AMPH: variants seen among roughly 807,000 people sequenced by gnomAD.
AMPH encodes amphiphysin.
Under a neutral mutation model 99.1 loss-of-function variants are expected in AMPH, and 49 were observed. The observed-to-expected ratio is 0.49, with a 90% confidence interval of 0.39 to 0.63. The LOEUF is 0.63. AMPH is among the 20% of genes least tolerant of loss of function. The pLI is 0.00. For synonymous variants in AMPH, 314 were observed against 317.3 expected (o/e 0.99, Z 0.11); for missense variants, 759 against 863.4 (o/e 0.88, Z 1.52).
intron 20 of AMPH, among the ~76,000 whole-genome samples, chr7:38,388,423 T>C (rs66974435): frequency 0.18 from 27,791 of 152,076 alleles, 3,001 homozygotes; most frequent in Middle Eastern, 0.3. Context: ...CTTTCGGCTT[T>C]ATCAATTTTA....
intron 11 of AMPH, among the ~76,000 whole-genome samples, chr7:38,443,204 A>G (rs1470560186): frequency 1.3e-5 from 2 of 152,074 alleles, no homozygotes; most frequent in Non-Finnish European, 2.9e-5. Context: ...GAACTGCTCT[A>G]TATCTATTAT....
chr7:38,451,080 A>G (rs1786995672), intron 11 of AMPH, among the ~76,000 whole-genome samples: 1 of 147,668 alleles, frequency 6.8e-6, no homozygotes, highest in African/African-American at 2.5e-5. Context: ...TTTTGTAGAG[A>G]CAGGGTCTCA....
chr7:38,504,376 T>C (rs1367771926), intron 2 of AMPH, among the ~76,000 whole-genome samples: 1 of 152,214 alleles, frequency 6.6e-6, no homozygotes, highest in Non-Finnish European at 1.5e-5. Context: ...CTGTTTTGGT[T>C]TGGATACTTT....
intron 2 of AMPH, among the ~76,000 whole-genome samples, chr7:38,504,094 A>G (rs1206822007): frequency 6.6e-6 from 1 of 152,224 alleles, no homozygotes; most frequent in Non-Finnish European, 1.5e-5. Context: ...CTGTAAGGGT[A>G]TTTTCCATTT....
chr7:38,553,216 A>G (rs536494047), intron 1 of AMPH, among the ~76,000 whole-genome samples: 1 of 152,248 alleles, frequency 6.6e-6, no homozygotes, highest in African/African-American at 2.4e-5. Flanking sequence ...GCTTCATGCT[A>G]TTGTTACTGG....
chr7:38,509,343 A>G (rs188548116), intron 2 of AMPH, among the ~76,000 whole-genome samples: 63 of 152,262 alleles, frequency 4.1e-4, no homozygotes, highest in African/African-American at 1.5e-3. Context: ...TCGTGGCCCA[A>G]TTTCCAACTA....
chr7:38,566,310 T>A (rs1458601981), intron 1 of AMPH, among the ~76,000 whole-genome samples: 1 of 19,714 alleles, frequency 5.1e-5, no homozygotes, highest in Non-Finnish European at 2.0e-4. Flanking sequence ...TGTTTATTGT[T>A]TTTTTTTTGT....
At chr7:38,620,249 C>T (rs1794003163) in intron 1 of AMPH, among the ~76,000 whole-genome samples, 1 of 151,892 alleles carries the variant, frequency 6.6e-6, no homozygotes, top group Non-Finnish European at 1.5e-5. Flanking sequence ...ATTTCTCTCT[C>T]GCTCGTTCAC....
chr7:38,394,614 T>C (rs1233727494), intron 17 of AMPH, among the ~76,000 whole-genome samples: 1 of 152,190 alleles, frequency 6.6e-6, no homozygotes, highest in African/African-American at 2.4e-5. Context: ...GACCTTAAAC[T>C]TACCATGCCA....
intron 1 of AMPH, among the ~76,000 whole-genome samples, chr7:38,618,323 T>C (rs1393280564): frequency 1.3e-5 from 2 of 148,340 alleles, no homozygotes; most frequent in Non-Finnish European, 3.0e-5. Context: ...CCATCCTGGC[T>C]AACATGGTGA....
At chr7:38,471,703 C>A (rs955644164) in intron 7 of AMPH, among the ~76,000 whole-genome samples, 1 of 152,096 alleles carries the variant, frequency 6.6e-6, no homozygotes, top group African/African-American at 2.4e-5. Flanking sequence ...AAAACACACA[C>A]CATGTGCACA....
intron 20 of AMPH, 103 bp from the exon 21 acceptor site, chr7:38,385,028 C>T (rs1435413740): frequency 9.6e-7 from 1 of 1,046,832 alleles, no homozygotes; most frequent in Non-Finnish European, 1.4e-6. Flanking sequence ...TGGTTCTGAA[C>T]CAGGATGTCA....
At chr7:38,576,406 C>T (rs1328956748) in intron 1 of AMPH, among the ~76,000 whole-genome samples, 2 of 152,168 alleles carry the variant, frequency 1.3e-5, no homozygotes, top group Admixed American at 6.5e-5. Flanking sequence ...TCCTCAGATA[C>T]TAAACTATGG....
At chr7:38,546,197 A>G (rs1309495484) in intron 1 of AMPH, among the ~76,000 whole-genome samples, 1 of 152,246 alleles carries the variant, frequency 6.6e-6, no homozygotes, top group East Asian at 1.9e-4. Context: ...GAGGCTGCCT[A>G]TGTCAGAGCA....
intron 1 of AMPH, among the ~76,000 whole-genome samples, chr7:38,561,978 T>TGTTG (rs566927707): frequency 0.028 from 4,219 of 150,864 alleles, 255 homozygotes; most frequent in East Asian, 0.15. Context: ...TTTTTTTTTT[T>TGTTG]TTGTTATGGC....
intron 1 of AMPH, among the ~76,000 whole-genome samples, chr7:38,615,277 T>TTAA (rs1793836860): frequency 6.6e-6 from 1 of 152,030 alleles, no homozygotes; most frequent in Non-Finnish European, 1.5e-5. Context: ...GTGAAATGAG[T>TTAA]TAATATATGG....
intron 1 of AMPH, among the ~76,000 whole-genome samples, chr7:38,588,505 G>C (rs1792744768): frequency 6.6e-6 from 1 of 151,980 alleles, no homozygotes; most frequent in Non-Finnish European, 1.5e-5. Flanking sequence ...AAAACAAAGG[G>C]CACTAAAATT....
chr7:38,533,421 C>T (rs548395541), intron 2 of AMPH, among the ~76,000 whole-genome samples: 1 of 152,312 alleles, frequency 6.6e-6, no homozygotes, highest in East Asian at 1.9e-4. Flanking sequence ...GACTACCTAT[C>T]GCACATGCCA....
At chr7:38,431,519 G>A (rs1198296648) in intron 13 of AMPH, among the ~76,000 whole-genome samples, 10 of 152,090 alleles carry the variant, frequency 6.6e-5, no homozygotes, top group African/African-American at 1.4e-4. Flanking sequence ...AGTTGGGCGC[G>A]GTGGCGGGTG....
Sources: allele counts gnomAD v4.1 joint callset (sites outside exome capture counted in the v4.1 genomes callset), GRCh38; gene constraint gnomAD v4.1.1; transcripts MANE v1.5; gene names NCBI Gene and HGNC (gene_info 2026-07-23, HGNC 2026-07-21).